DRC5: variants seen among roughly 807,000 people sequenced by gnomAD.
DRC5 encodes the protein T-complex-associated testis-expressed protein 1.
the DRC5 span, chr6:44,286,579 C>T: frequency 6.6e-7 from 1 of 1,514,824 alleles, no homozygotes; most frequent in Non-Finnish European, 9.0e-7. Context: ...TGTTGGGGGA[C>T]ACCTCAACAT....
the DRC5 span, among the ~76,000 whole-genome samples, chr6:44,281,416 G>A: frequency 3.3e-5 from 5 of 151,874 alleles, no homozygotes; most frequent in Non-Finnish European, 7.4e-5. Flanking sequence ...ACGGAGTCTC[G>A]CACTGTCACC....
At chr6:44,282,057 C>T in the DRC5 span, 3 of 1,532,462 alleles carry the variant, frequency 2.0e-6, no homozygotes, top group Non-Finnish European at 2.7e-6. Context: ...CACAAGTACC[C>T]CTGGCAGTTG....
At chr6:44,288,048 G>T in the DRC5 span, 1 of 488,318 alleles carries the variant, frequency 2.0e-6, no homozygotes, top group Non-Finnish European at 3.5e-6. Flanking sequence ...TATCTGTGTG[G>T]CCTTGGGCAA....
At chr6:44,296,273 T>A in the DRC5 span, among the ~76,000 whole-genome samples, 1 of 152,218 alleles carries the variant, frequency 6.6e-6, no homozygotes. Context: ...AGCTCTCTTG[T>A]TCACCAATAT....
chr6:44,289,042 C>CT, the DRC5 span, among the ~76,000 whole-genome samples: 1,107 of 78,932 alleles, frequency 0.014, 68 homozygotes, highest in African/African-American at 0.046. Flanking sequence ...GTGAAATTAG[C>CT]TTTTTTTTTT....
chr6:44,286,408 G>T, the DRC5 span: 1 of 1,614,192 alleles, frequency 6.2e-7, no homozygotes, highest in Non-Finnish European at 8.5e-7. Flanking sequence ...GATGCATGCA[G>T]CAGCGGAGCC....
chr6:44,284,746 ATG>A, the DRC5 span, among the ~76,000 whole-genome samples: 8 of 151,944 alleles, frequency 5.3e-5, no homozygotes, highest in South Asian at 2.1e-4. Flanking sequence ...CTGCCTAAAT[ATG>A]TGTTGACTCT....
chr6:44,279,748 G>GGTGGGTGTGTGT, the DRC5 span: 2 of 135,254 alleles, frequency 1.5e-5, no homozygotes, highest in Non-Finnish European at 3.2e-5. Context: ...GTAGCCAGAG[G>GGTGGGTGTGTGT]GTGTGTGTGT....
chr6:44,286,075 C>G, the DRC5 span: 2 of 1,614,158 alleles, frequency 1.2e-6, no homozygotes, highest in Non-Finnish European at 1.7e-6. Flanking sequence ...CATCGTACAC[C>G]AGGTCCAGCT....
At chr6:44,291,914 C>T in the DRC5 span, among the ~76,000 whole-genome samples, 1 of 152,046 alleles carries the variant, frequency 6.6e-6, no homozygotes, top group Admixed American at 6.6e-5. Flanking sequence ...CCTCCCGCCC[C>T]ACCCCACCAT....
At chr6:44,282,459 T>C in the DRC5 span, 1 of 1,613,248 alleles carries the variant, frequency 6.2e-7, no homozygotes, top group East Asian at 2.2e-5. Context: ...AATGAGGTTT[T>C]GTGACAAGTC....
the DRC5 span, among the ~76,000 whole-genome samples, chr6:44,281,424 ACC>A: frequency 6.6e-6 from 1 of 152,060 alleles, no homozygotes; most frequent in Non-Finnish European, 1.5e-5. Context: ...TCGCACTGTC[ACC>A]CAGGCTGGAG....
the DRC5 span, among the ~76,000 whole-genome samples, chr6:44,288,468 A>C: frequency 6.6e-6 from 1 of 152,236 alleles, no homozygotes; most frequent in East Asian, 1.9e-4. Context: ...TCTGAACCCT[A>C]CATTGGACCG....
At chr6:44,297,626 GC>G in the DRC5 span, 1 of 152,250 alleles carries the variant, frequency 6.6e-6, no homozygotes, top group African/African-American at 2.4e-5. Context: ...GGAGACCGGG[GC>G]TGGGTGTCCC....
the DRC5 span, among the ~76,000 whole-genome samples, chr6:44,297,013 T>G: frequency 3.3e-4 from 2 of 6,120 alleles, no homozygotes; most frequent in South Asian, 0.033. Flanking sequence ...TCCTCCCAAC[T>G]CCTGACCACT....
At chr6:44,279,741 G>C in the DRC5 span, 1 of 154,626 alleles carries the variant, frequency 6.5e-6, no homozygotes, top group Non-Finnish European at 1.4e-5. Flanking sequence ...CCCTGCTGTA[G>C]CCAGAGGGTG....
the DRC5 span, chr6:44,280,057 C>T: frequency 3.8e-5 from 33 of 859,170 alleles, no homozygotes; most frequent in Middle Eastern, 4.7e-4. Flanking sequence ...AACCCTTGAT[C>T]ACTCCAAGGT....
chr6:44,296,894 T>A, the DRC5 span, among the ~76,000 whole-genome samples: 2 of 6,604 alleles, frequency 3.0e-4, no homozygotes, highest in Non-Finnish European at 1.4e-3. Context: ...AGTTGGGAAT[T>A]CCACTTGTGG....
the DRC5 span, among the ~76,000 whole-genome samples, chr6:44,295,429 C>T: frequency 6.6e-6 from 1 of 152,216 alleles, no homozygotes. Context: ...TCCTCCTCCC[C>T]TGGGCCCCTA....
Sources: gnomAD v4.1 joint callset for allele counts (sites outside exome capture counted in the v4.1 genomes callset) on GRCh38, gnomAD v4.1.1 for gene constraint, MANE v1.5 for transcripts, NCBI Gene and HGNC (gene_info 2026-07-23, HGNC 2026-07-21) for gene names.